Variants in EDEM2 observed in about 807,000 individuals in gnomAD.
The protein encoded by EDEM2 is ER degradation enhancing alpha-mannosidase like protein 2, also known as ER degradation-enhancing alpha-mannosidase-like protein 2.
A neutral mutation model predicts 64.8 loss-of-function variants in EDEM2; 39 were observed. The ratio of observed to expected loss-of-function variants is 0.60; its 90% CI spans 0.47 to 0.79. The LOEUF is 0.79. EDEM2 is among the 30% of genes least tolerant of loss of function. The pLI is 0.00. For synonymous variants in EDEM2, 296 were observed against 291.5 expected (o/e 1.02, Z -0.16); for missense variants, 609 against 731.3 (o/e 0.83, Z 1.93).
intron 3 of EDEM2, 64 bp from the exon 4 acceptor site, chr20:35,142,542 G>T: frequency 7.9e-7 from 1 of 1,268,704 alleles, no homozygotes; most frequent in South Asian, 1.2e-5. Context: ...TTCAGAGTCT[G>T]GGATCCTATG....
intron 5 of EDEM2, among the ~76,000 whole-genome samples, chr20:35,135,699 A>ATC (rs2085566994): frequency 6.6e-6 from 1 of 152,226 alleles, no homozygotes; most frequent in African/African-American, 2.4e-5. Context: ...TTAAATAAAG[A>ATC]TCTCTGCTTT....
intron 1 of EDEM2, 66 bp downstream of exon 1, chr20:35,147,086 G>C: frequency 6.4e-7 from 1 of 1,558,856 alleles, no homozygotes; most frequent in African/African-American, 1.4e-5. Flanking sequence ...TGGGATGGAC[G>C]GAAAGGGAAA....
At position 35,136,919 on chromosome 20, in the gene EDEM2, T is replaced by C. The variant is rs139086415; in HGVS notation, c.490+961A>G. On this transcript the variant is annotated intron_variant, in intron 5 of 10. Coordinates refer to ENST00000374492, the MANE Select transcript of EDEM2 (RefSeq NM_018217.3). ...GTACAGTTGATGCTACTGAGCCTGG[T>C]GTTACTGCCCCACTAGACAAAAACA... Among the ~76,000 whole-genome samples the C allele has an allele frequency of 5.3e-5, 8 of 152,252 alleles. No homozygotes were observed. In the East Asian group the frequency reaches 1.5e-3, roughly 29 times the overall value.
At chr20:35,143,469 G>A (rs1268769735) in intron 3 of EDEM2, among the ~76,000 whole-genome samples, 1 of 152,210 alleles carries the variant, frequency 6.6e-6, no homozygotes, top group East Asian at 1.9e-4. Context: ...CTACAAAGAG[G>A]CTGGTCTCTA....
At chr20:35,140,699 T>C (rs919289986) in intron 4 of EDEM2, among the ~76,000 whole-genome samples, 1 of 152,184 alleles carries the variant, frequency 6.6e-6, no homozygotes, top group Non-Finnish European at 1.5e-5. Context: ...TTTGTTAAAT[T>C]TGCTTGGAAA....
chr20:35,146,403 T>G (rs1296451342), intron 2 of EDEM2, among the ~76,000 whole-genome samples: 1 of 151,450 alleles, frequency 6.6e-6, no homozygotes, highest in African/African-American at 2.4e-5. Context: ...AAATGGGGAG[T>G]GTATTTCAGG....
At chr20:35,127,167 T>G (rs763528255) in intron 7 of EDEM2, among the ~76,000 whole-genome samples, 3 of 152,200 alleles carry the variant, frequency 2.0e-5, no homozygotes, top group Non-Finnish European at 4.4e-5. Context: ...AAGATGTGCC[T>G]TTCGCCTTCC....
chr20:35,147,288 G>A lies in EDEM2; in HGVS notation c.-30C>T. 1 of 1,479,676 alleles carries A rather than the reference G, an allele frequency of 6.8e-7. No homozygotes were observed. Among genetic ancestry groups the A allele is most frequent in the Non-Finnish European group, 9.0e-7 (1 of 1,111,744 alleles). The allele number at this position is 1,479,676 out of a possible 1,614,324, so 91.7% of individuals were successfully genotyped here. ...CTCGTGTCCTCTCAGCGCCCCCGCAGCAGCAGCAGCCACTGCAACCAGTTC... is the reference window on the plus strand; with the variant it reads ...CTCGTGTCCTCTCAGCGCCCCCGCAACAGCAGCAGCCACTGCAACCAGTTC... On this transcript the variant is annotated 5_prime_UTR_variant, in exon 1 of 11. Transcript: ENST00000374492.
Position 35,115,719 on chromosome 20 carries a change from G to A in EDEM2, c.1451C>T (p.Ala484Val). Residue 484 changes from alanine to valine, a missense_variant, in exon 11 of 11, where the codon GCC becomes GTC. Ala to Val is a moderately conservative substitution (Grantham distance 64, BLOSUM62 0). Transcript: ENST00000374492. ...CTTCAGCCTCTGGCAGCAGTGCAGGGCGGCAGGGTCGATGGGGTGAGCTTC... is the reference window on the plus strand; with the variant it reads ...CTTCAGCCTCTGGCAGCAGTGCAGGACGGCAGGGTCGATGGGGTGAGCTTC... ...NTEAHPIDPAALHCCQRLKEE... is the reference protein window; with the variant it reads ...NTEAHPIDPAVLHCCQRLKEE... 2 of 1,614,210 alleles carry A rather than the reference G, an allele frequency of 1.2e-6. No homozygotes were observed. The highest frequency in any genetic ancestry group is 1.7e-6 in the Non-Finnish European group (2 of 1,180,028).
chr20:35,118,776 G>T, intron 9 of EDEM2, 57 bp from the exon 10 acceptor site: 1 of 1,599,298 alleles, frequency 6.3e-7, no homozygotes, highest in Non-Finnish European at 8.5e-7. Context: ...ATGGCCTGGG[G>T]CCTCTTAGGG....
intron 3 of EDEM2, among the ~76,000 whole-genome samples, chr20:35,143,616 A>G (rs2085687638): frequency 1.3e-5 from 2 of 152,152 alleles, no homozygotes; most frequent in South Asian, 4.1e-4. Flanking sequence ...TAACATCTCA[A>G]TTTACCCTCG....
chr20:35,135,996 G>C (rs2085570950), intron 5 of EDEM2, among the ~76,000 whole-genome samples: 1 of 152,140 alleles, frequency 6.6e-6, no homozygotes, highest in Non-Finnish European at 1.5e-5. Context: ...CAGAGGCAGA[G>C]ATTTCCTCTC....
At chr20:35,131,845 C>A in intron 6 of EDEM2, 62 bp from the exon 7 acceptor site, 2 of 1,580,156 alleles carry the variant, frequency 1.3e-6, no homozygotes, top group East Asian at 4.5e-5. Context: ...AGGATCTACT[C>A]ACCCCCAACC....
chr20:35,133,095 A>G (rs1210120492), intron 6 of EDEM2, among the ~76,000 whole-genome samples: 1 of 152,144 alleles, frequency 6.6e-6, no homozygotes, highest in African/African-American at 2.4e-5. Context: ...CTGGAGTTCA[A>G]TCTTGCTGGG....
intron 7 of EDEM2, among the ~76,000 whole-genome samples, 199 bp from the exon 8 acceptor site, chr20:35,126,574 G>A (rs1265243637): frequency 1.3e-5 from 2 of 152,188 alleles, no homozygotes; most frequent in Non-Finnish European, 2.9e-5. Flanking sequence ...TGCTAACCGT[G>A]ACCTGGGGTG....
intron 6 of EDEM2, among the ~76,000 whole-genome samples, chr20:35,132,371 G>A (rs6060258): frequency 4.0e-5 from 6 of 151,670 alleles, no homozygotes; most frequent in East Asian, 1.9e-4. Context: ...TGGCAATGCC[G>A]GCCAGGCGCG....
At position 35,126,327 on chromosome 20, in the gene EDEM2, A is replaced by G; in HGVS notation, c.893T>C (p.Leu298Pro). Residue 298 changes from leucine (L) to proline (P), a missense_variant, in exon 8 of 11, where the codon CTG (leucine) becomes CCG (proline). Coordinates refer to ENST00000374492, the MANE Select transcript of EDEM2 (RefSeq NM_018217.3). Reference sequence around the variant, plus strand: ...AGTCCCCTTGTACATCTGAACCCACAGGTACCAGTCATCGAAGCGGGTGTA... The same window carrying G: ...AGTCCCCTTGTACATCTGAACCCACGGGTACCAGTCATCGAAGCGGGTGTA... Reference protein sequence around the residue: ...RNYTRFDDWYLWVQMYKGTVS... With the variant: ...RNYTRFDDWYPWVQMYKGTVS... 1.2e-6 allele frequency: 2 copies of G among 1,614,100 alleles called. No homozygotes were observed. The highest frequency in any genetic ancestry group is 1.7e-6 in the Non-Finnish European group (2 of 1,180,016).
intron 4 of EDEM2, among the ~76,000 whole-genome samples, chr20:35,138,611 G>A (rs1441255282): frequency 2.8e-5 from 4 of 145,438 alleles, no homozygotes; most frequent in Non-Finnish European, 6.0e-5. Flanking sequence ...ACGGAGTCTC[G>A]CTCTGTCACC....
At chr20:35,145,371 T>C (rs2085715139) in intron 2 of EDEM2, among the ~76,000 whole-genome samples, 1 of 152,198 alleles carries the variant, frequency 6.6e-6, no homozygotes, top group Non-Finnish European at 1.5e-5. Flanking sequence ...TTTGAGAGTG[T>C]TCATGGCAGT....
Sources: gnomAD v4.1 joint callset for allele counts (sites outside exome capture counted in the v4.1 genomes callset) on GRCh38, gnomAD v4.1.1 for gene constraint, MANE v1.5 for transcripts, NCBI Gene and HGNC (gene_info 2026-07-23, HGNC 2026-07-21) for gene names.